The following CDH22 variants were observed in gnomAD, a reference collection of about 807,000 sequenced individuals.
CDH22 encodes cadherin 22, also known as cadherin-22.
Under a neutral mutation model 58.4 loss-of-function variants are expected in CDH22, and 30 were observed. The ratio of observed to expected loss-of-function variants is 0.51; its 90% CI spans 0.38 to 0.70. The LOEUF (loss-of-function observed/expected upper bound fraction) is 0.70, where lower values mean the gene tolerates loss of function less well. Among genes scored for constraint, CDH22 ranks in the 30% least tolerant of loss-of-function variants. The pLI is 0.00. For synonymous variants in CDH22, 513 were observed against 558.2 expected, an observed-to-expected ratio of 0.92 and a Z score of 1.14; for missense variants, 1,014 against 1,233.9, an observed-to-expected ratio of 0.82 and a Z score of 2.67.
intron 7 of CDH22, among the ~76,000 whole-genome samples, chr20:46,208,708 C>T (rs1412222002): frequency 6.6e-6 from 1 of 152,230 alleles, no homozygotes; most frequent in Non-Finnish European, 1.5e-5. Context: ...ATTCTCCTGC[C>T]TCAGCCTCCA....
chr20:46,272,861 TG>T (rs1380498169), intron 1 of CDH22, among the ~76,000 whole-genome samples: 1 of 152,242 alleles, frequency 6.6e-6, no homozygotes, highest in Non-Finnish European at 1.5e-5. Context: ...TTTGACTGCA[TG>T]TTGGCCATTG....
At chr20:46,186,974 G>T (rs2085831094) in intron 8 of CDH22, 27 bp from the exon 9 acceptor site, 1 of 1,544,872 alleles carries the variant, frequency 6.5e-7, no homozygotes, top group Non-Finnish European at 8.7e-7. Flanking sequence ...GGAGCAAGGG[G>T]AGAGGCATCA....
intron 4 of CDH22, among the ~76,000 whole-genome samples, chr20:46,219,228 G>A (rs1354759669): frequency 2.6e-5 from 4 of 152,136 alleles, no homozygotes; most frequent in South Asian, 2.1e-4. Context: ...CCTTCTCAAC[G>A]CCTCAGTAGG....
intron 2 of CDH22, among the ~76,000 whole-genome samples, chr20:46,248,774 G>A (rs576475932): frequency 1.3e-5 from 2 of 152,088 alleles, no homozygotes; most frequent in Non-Finnish European, 2.9e-5. Flanking sequence ...TCGTGTCACC[G>A]CACTCCAGCC....
At chr20:46,215,804 A>T (rs1481613251) in intron 5 of CDH22, among the ~76,000 whole-genome samples, 1 of 152,220 alleles carries the variant, frequency 6.6e-6, no homozygotes, top group African/African-American at 2.4e-5. Flanking sequence ...TGGGCAGAAG[A>T]CTGGGTGGGG....
chr20:46,236,679 ATC>A (rs2086255957), intron 3 of CDH22, among the ~76,000 whole-genome samples: 1 of 135,536 alleles, frequency 7.4e-6, no homozygotes, highest in South Asian at 2.3e-4. Flanking sequence ...CTATCTATCT[ATC>A]TATATATACA....
At chr20:46,280,082 G>T (rs1020059148) in intron 1 of CDH22, among the ~76,000 whole-genome samples, 5 of 152,174 alleles carry the variant, frequency 3.3e-5, no homozygotes, top group Admixed American at 6.5e-5. Flanking sequence ...GGGCTGTCTG[G>T]TTCCACAGGC....
At chr20:46,242,545 C>A (rs1215675381) in intron 2 of CDH22, among the ~76,000 whole-genome samples, 1 of 152,206 alleles carries the variant, frequency 6.6e-6, no homozygotes, top group Non-Finnish European at 1.5e-5. Context: ...CACCAAGTGA[C>A]ATTTACAATA....
chr20:46,277,017 A>G (rs988352197), intron 1 of CDH22, among the ~76,000 whole-genome samples: 2 of 152,218 alleles, frequency 1.3e-5, no homozygotes, highest in African/African-American at 2.4e-5. Flanking sequence ...GGCCGGGTGC[A>G]GTGGCCTATG....
chr20:46,269,438 G>C (rs1007266457), intron 1 of CDH22, among the ~76,000 whole-genome samples: 1 of 152,206 alleles, frequency 6.6e-6, no homozygotes, highest in Admixed American at 6.5e-5. Flanking sequence ...GCTAACTTTT[G>C]TCAAGTGCTT....
rs550264597 is a variant in CDH22, at chr20:46,191,291, A to G, written c.1424-4344T>C. Among the ~76,000 whole-genome samples, 6 of 152,222 alleles carry G rather than the reference A, an allele frequency of 3.9e-5. No homozygotes were observed. In the South Asian group the frequency reaches 1.2e-3, roughly 32 times the overall value. On this transcript the variant is annotated intron_variant, in intron 8 of 11. Transcript: ENST00000537909. ...AGGAAAGACTGTCTCAGGCAGTGGG[A>G]TCAGCACGTGCAAAGGCCCTGGGGT... is the stretch of plus-strand genomic sequence containing the variant.
At chr20:46,227,659 C>T in intron 3 of CDH22, 32 bp from the exon 4 acceptor site, 1 of 1,592,986 alleles carries the variant, frequency 6.3e-7, no homozygotes, top group Non-Finnish European at 8.5e-7. Flanking sequence ...AGACAGGGGT[C>T]ATCTGGGGCT....
chr20:46,283,046 A>G (rs1432202805), intron 1 of CDH22, among the ~76,000 whole-genome samples: 1 of 152,164 alleles, frequency 6.6e-6, no homozygotes, highest in Non-Finnish European at 1.5e-5. Context: ...GCCCTCCTCC[A>G]CTGCCATCCT....
intron 2 of CDH22, among the ~76,000 whole-genome samples, chr20:46,249,051 C>T (rs993600674): frequency 6.6e-6 from 1 of 152,210 alleles, no homozygotes; most frequent in Non-Finnish European, 1.5e-5. Context: ...ACTTTATGTG[C>T]TCTGTTTTCT....
Position 46,216,676 on chromosome 20 carries a change from G to T in CDH22, c.838+150C>A. On this transcript the variant is annotated intron_variant, in intron 5 of 11. Coordinates refer to ENST00000537909, the MANE Select transcript of CDH22 (RefSeq NM_021248.3). This position sits in a 1 kb window ranked among gnomAD's most constrained non-coding sequence, Gnocchi z 5.3. Reference sequence around the variant, plus strand: ...GGAGGGGGGCTGGGGGATAGCTGGTGGCTTGGGAGGACAGACAGACAGACA... The same window carrying T: ...GGAGGGGGGCTGGGGGATAGCTGGTTGCTTGGGAGGACAGACAGACAGACA... 1.3e-6 allele frequency: 1 copy of T among 770,916 alleles called. No individual in the cohort carries two copies. The highest frequency in any genetic ancestry group is 2.1e-6 in the Non-Finnish European group (1 of 468,812). The allele number at this position is 770,916 out of a possible 1,614,324, so 47.8% of individuals were successfully genotyped here.
intron 1 of CDH22, among the ~76,000 whole-genome samples, chr20:46,272,324 A>G (rs1220013946): frequency 6.6e-6 from 1 of 152,170 alleles, no homozygotes; most frequent in Non-Finnish European, 1.5e-5. Flanking sequence ...GTTATGTTTG[A>G]GATGTTCCTG....
At chr20:46,211,535 A>T (rs562321544) in intron 6 of CDH22, among the ~76,000 whole-genome samples, 1 of 152,318 alleles carries the variant, frequency 6.6e-6, no homozygotes, top group African/African-American at 2.4e-5. Context: ...TCCCTGAGCC[A>T]TCACCGACTC....
chr20:46,218,426 C>T (rs548171366), intron 4 of CDH22, among the ~76,000 whole-genome samples: 1 of 152,354 alleles, frequency 6.6e-6, no homozygotes, highest in African/African-American at 2.4e-5. Flanking sequence ...CATGGAGCAG[C>T]AGCTTGGCTG....
intron 1 of CDH22, among the ~76,000 whole-genome samples, chr20:46,268,390 G>T (rs1384582425): frequency 2.0e-5 from 3 of 152,242 alleles, no homozygotes; most frequent in African/African-American, 7.2e-5. Flanking sequence ...AGCTCCCCGA[G>T]GTCCCAGCGA....
Sources: gnomAD v4.1 joint callset for allele counts (sites outside exome capture counted in the v4.1 genomes callset) on GRCh38, gnomAD v4.1.1 for gene constraint, Gnocchi (gnomAD v3.1) non-coding constraint, MANE v1.5 for transcripts, NCBI Gene and HGNC (gene_info 2026-07-23, HGNC 2026-07-21) for gene names.